MCTP2: variants seen among roughly 807,000 people sequenced by gnomAD.
MCTP2 encodes the protein multiple C2 and transmembrane domain-containing protein 2.
MCTP2 carries 132 observed loss-of-function variants against 111.6 expected under a neutral mutation model. The observed-to-expected ratio is 1.18, with a 90% CI of 1.03 to 1.37. The LOEUF is 1.37. Ranked by LOEUF, MCTP2 falls within the 40% of genes most tolerant of loss-of-function variation. The probability of loss-of-function intolerance (pLI) is 0.00; values close to 1 mark genes in which losing one functional copy is unlikely to be tolerated. For missense variants in MCTP2, 1,183 were observed against 1,067.9 expected, an observed-to-expected ratio of 1.11 and a Z score of -1.50; for synonymous variants, 395 against 387.7, an observed-to-expected ratio of 1.02 and a Z score of -0.22.
intron 15 of MCTP2, 181 bp from the exon 16 acceptor site, chr15:94,399,740 C>G: frequency 1.7e-6 from 1 of 585,690 alleles, no homozygotes; most frequent in Non-Finnish European, 3.1e-6. Flanking sequence ...GCCAGGGACT[C>G]TTATCAAATG....
intron 4 of MCTP2, 55 bp from the exon 5 acceptor site, chr15:94,339,235 C>T: frequency 7.4e-7 from 1 of 1,349,664 alleles, no homozygotes; most frequent in Non-Finnish European, 1.0e-6. Flanking sequence ...TAATGAAAGT[C>T]CCAGGCTTTT....
intron 19 of MCTP2, among the ~76,000 whole-genome samples, chr15:94,452,627 T>C (rs1485796062): frequency 1.3e-5 from 2 of 152,220 alleles, no homozygotes; most frequent in African/African-American, 2.4e-5. Flanking sequence ...ACCACAGTTG[T>C]TGGTGCTGAG....
rs1187623996 is a variant in MCTP2 at position 94,245,560 on chromosome 15, A to G, written c.-66+13896A>G. On this transcript the variant is annotated intron_variant, in intron 1 of 22. Coordinates refer to ENST00000357742, the MANE Select transcript of MCTP2 (RefSeq NM_001385001.1). ...TACATGTATATATTTATATATGTAT[A>G]CATATATGTATATATACGTATATGT... Among the ~76,000 whole-genome samples, 6 of 143,606 alleles carry G rather than the reference A, an allele frequency of 4.2e-5. No individual in the cohort carries two copies. In the East Asian group the frequency reaches 8.0e-4, roughly 19 times the overall value. The allele number at this position is 143,606 out of a possible 152,430, so 94.2% of individuals were successfully genotyped here.
At chr15:94,420,913 C>A (rs976575427) in intron 17 of MCTP2, among the ~76,000 whole-genome samples, 4 of 152,180 alleles carry the variant, frequency 2.6e-5, no homozygotes, top group South Asian at 4.2e-4. Context: ...ACAGAGAAAT[C>A]TTTTATGAAA....
At chr15:94,325,233 T>C (rs1252560655) in intron 4 of MCTP2, among the ~76,000 whole-genome samples, 1 of 152,152 alleles carries the variant, frequency 6.6e-6, no homozygotes, top group Non-Finnish European at 1.5e-5. Flanking sequence ...AGGATTAACC[T>C]GGTGTGTGTG....
At chr15:94,454,979 A>G (rs2084721570) in intron 19 of MCTP2, among the ~76,000 whole-genome samples, 1 of 152,038 alleles carries the variant, frequency 6.6e-6, no homozygotes. Flanking sequence ...TGCCACCACA[A>G]CAGGCTAATG....
rs181495363 is a variant in MCTP2, at chr15:94,468,906, A to G, written c.2361-1427A>G. Among the ~76,000 whole-genome samples the G allele has an allele frequency of 2.4e-4, 36 of 152,216 alleles. No individual in the cohort carries two copies. In the East Asian group the frequency reaches 4.8e-3, roughly 20 times the overall value. Reference sequence around the variant, plus strand: ...GCCTCCCAAAGTGCTAGGATTACAGACATGAGCCACCATGCCCAGCCTCAG... The same window carrying G: ...GCCTCCCAAAGTGCTAGGATTACAGGCATGAGCCACCATGCCCAGCCTCAG... On this transcript the variant is annotated intron_variant, in intron 20 of 22. Transcript: ENST00000357742.
intron 1 of MCTP2, among the ~76,000 whole-genome samples, chr15:94,245,335 T>C (rs111208068): frequency 0.025 from 3,463 of 138,884 alleles, 119 homozygotes; most frequent in African/African-American, 0.084. Context: ...CATACATATG[T>C]GTAGATATTT....
At chr15:94,449,764 A>C (rs751377553) in intron 19 of MCTP2, among the ~76,000 whole-genome samples, 2 of 152,190 alleles carry the variant, frequency 1.3e-5, no homozygotes, top group Non-Finnish European at 2.9e-5. Flanking sequence ...GAATCACACA[A>C]ATATTTTATC....
At chr15:94,254,095 C>T (rs2072612756) in intron 1 of MCTP2, among the ~76,000 whole-genome samples, 7 of 152,320 alleles carry the variant, frequency 4.6e-5, no homozygotes, top group Admixed American at 4.6e-4. Flanking sequence ...ATGTTTTCGT[C>T]ATAGCATTGG....
chr15:94,247,408 G>A (rs2072094534), intron 1 of MCTP2, among the ~76,000 whole-genome samples: 1 of 152,156 alleles, frequency 6.6e-6, no homozygotes. Flanking sequence ...GGGACAGAGA[G>A]CTGGGCTTTA....
At chr15:94,290,862 A>G (rs184828063) in intron 1 of MCTP2, among the ~76,000 whole-genome samples, 1 of 152,382 alleles carries the variant, frequency 6.6e-6, no homozygotes, top group Admixed American at 6.5e-5. Flanking sequence ...AGCTATAACA[A>G]TCATAAATGT....
intron 17 of MCTP2, among the ~76,000 whole-genome samples, chr15:94,425,973 T>C (rs2082870125): frequency 6.6e-6 from 1 of 152,178 alleles, no homozygotes; most frequent in African/African-American, 2.4e-5. Flanking sequence ...GTTTCTTTTT[T>C]TTCTTCTGGC....
intron 12 of MCTP2, among the ~76,000 whole-genome samples, chr15:94,382,491 A>T (rs2080197437): frequency 6.6e-6 from 1 of 152,268 alleles, no homozygotes; most frequent in Non-Finnish European, 1.5e-5. Context: ...TGTCCAGGCC[A>T]CTAGTCAGTT....
At chr15:94,474,992 A>G (rs2074238943) in intron 21 of MCTP2, among the ~76,000 whole-genome samples, 1 of 152,054 alleles carries the variant, frequency 6.6e-6, no homozygotes, top group Admixed American at 6.5e-5. Context: ...CAGCTGTGAT[A>G]TTATCCCTGC....
At chr15:94,327,795 G>A (rs1459347003) in intron 4 of MCTP2, among the ~76,000 whole-genome samples, 1 of 152,184 alleles carries the variant, frequency 6.6e-6, no homozygotes, top group Non-Finnish European at 1.5e-5. Context: ...TGTCCCAACA[G>A]TCTTTAATGT....
chr15:94,329,467 A>G (rs899520503), intron 4 of MCTP2, among the ~76,000 whole-genome samples: 2 of 152,138 alleles, frequency 1.3e-5, no homozygotes, highest in Admixed American at 6.5e-5. Context: ...GCTTCTGAGG[A>G]GCTTAGAATC....
chr15:94,337,676 TGTGTGTGTGCGCGCGCATGCACGCGC>T (rs941942757), intron 4 of MCTP2, among the ~76,000 whole-genome samples: 2 of 152,022 alleles, frequency 1.3e-5, no homozygotes, highest in Non-Finnish European at 2.9e-5. Context: ...GGTGTGTGTG[TGTGTGTGTGCGCGCGCATGCACGCGC>T]GTGTGCATGC....
intron 1 of MCTP2, among the ~76,000 whole-genome samples, chr15:94,289,168 C>A (rs901239648): frequency 3.3e-5 from 5 of 151,882 alleles, no homozygotes; most frequent in African/African-American, 1.2e-4. Context: ...AGGATGAATC[C>A]AAATAAACAC....
Sources: gnomAD v4.1 joint callset for allele counts (sites outside exome capture counted in the v4.1 genomes callset) on GRCh38, gnomAD v4.1.1 for gene constraint, MANE v1.5 for transcripts, NCBI Gene and HGNC (gene_info 2026-07-23, HGNC 2026-07-21) for gene names.